The following NAT16 variants were observed in gnomAD, a reference collection of about 807,000 sequenced individuals.
The protein encoded by NAT16 is N-acetyltransferase 16 (putative).
NAT16 carries 16 observed loss-of-function variants against 15.9 expected under a neutral mutation model. That is an observed-to-expected ratio of 1.01 (90% CI 0.68 to 1.53). The LOEUF (loss-of-function observed/expected upper bound fraction) is 1.53. Ranked by LOEUF, NAT16 falls within the 40% of genes most tolerant of loss-of-function variation. NAT16 has a pLI of 0.00. For missense variants in NAT16, 572 were observed against 508.4 expected, an observed-to-expected ratio of 1.13 and a Z score of -1.20; for synonymous variants, 260 against 241.9, an observed-to-expected ratio of 1.07 and a Z score of -0.69.
rs202212832 is a variant in NAT16 at position 101,173,484 on chromosome 7, C to G, written c.349G>C (p.Glu117Gln). The change falls in exon 3 of 4, where the codon GAG becomes CAG. Residue 117 changes from glutamate (E) to glutamine (Q), a missense_variant. Physicochemically the swap from Glu to Gln is conservative, Grantham distance 29. Transcript: ENST00000300303. ...LESVNVIDAG[E>Q]TVLVEGLRVA... ...CGCAGCCCCTCCACCAGCACCGTCTCCCCGGCGTCGATCACGTTCACCGAC... is the reference window on the plus strand; with the variant it reads ...CGCAGCCCCTCCACCAGCACCGTCTGCCCGGCGTCGATCACGTTCACCGAC... The G allele has an allele frequency of 1.2e-6, 2 of 1,607,446 alleles. No homozygotes were observed. The highest frequency in any genetic ancestry group is 1.7e-6 in the Non-Finnish European group (2 of 1,176,222).
rs750425884 is a variant in NAT16, at chr7:101,173,285, G to A, written c.537+11C>T. 2.5e-6 allele frequency: 4 copies of A among 1,611,610 alleles called. No homozygotes were observed. The highest frequency in any genetic ancestry group is 1.3e-5 in the African/African-American group (1 of 74,864). ...AGAGGCCCAGCCATCCGAGCTCCCT[G>A]TCCTTCTCACCTGCTTGGTGATTAG... On this transcript the variant is annotated intron_variant, in intron 3 of 3. Coordinates refer to ENST00000300303, the MANE Select transcript of NAT16 (RefSeq NM_198571.3).
chr7:101,172,199 C>A lies in NAT16; in HGVS notation c.990G>T (p.Met330Ile). The change falls in exon 4 of 4, where the codon ATG becomes ATT. Residue 330 changes from methionine (M) to isoleucine (I), a missense_variant. By Grantham distance (10) the Met-to-Ile change is conservative. Transcript: ENST00000300303. The surrounding 1 kb of genome is among the most constrained non-coding windows in gnomAD (Gnocchi z 4.2). ...GCTGGGGCTCCAGGAAGAGCTGGCA[C>A]ATGACGTTGAGGCCAACGAGGCGCG... ...QAPRLVGLNVMCQLFLEPQLW... is the reference protein window; with the variant it reads ...QAPRLVGLNVICQLFLEPQLW... 1 of 1,613,948 alleles carries A rather than the reference C, an allele frequency of 6.2e-7. No homozygotes were observed. The highest frequency in any genetic ancestry group is 8.5e-7 in the Non-Finnish European group (1 of 1,179,966).
At chr7:101,173,108 C>T (rs1797373288) in intron 3 of NAT16, among the ~76,000 whole-genome samples, 188 bp downstream of exon 3, 1 of 152,056 alleles carries the variant, frequency 6.6e-6, no homozygotes, top group Non-Finnish European at 1.5e-5. Context: ...GGCTGGGAGT[C>T]GGGAGTTTGA....
At position 101,171,963 on chromosome 7, in the gene NAT16, G is replaced by A. The variant is rs1279350072; in HGVS notation, c.*116C>T. 2 of 702,754 alleles carry A rather than the reference G, an allele frequency of 2.8e-6. No homozygotes were observed. The highest frequency in any genetic ancestry group is 5.5e-5 in the East Asian group (2 of 36,552). 43.5% of individuals were successfully genotyped at this position (702,754 alleles called of 1,614,324 possible). ...CTGCGCCGGTAAGGGCAGGAGGGCA[G>A]GAGTCAGAGGGGACTTCCCAGGAGA... On this transcript the variant is annotated 3_prime_UTR_variant, in exon 4 of 4. Transcript: ENST00000300303.
chr7:101,179,581 C>T (rs1411235659), intron 1 of NAT16, among the ~76,000 whole-genome samples: 1 of 130,112 alleles, frequency 7.7e-6, no homozygotes. Flanking sequence ...GGAGAGAAGG[C>T]CTAGGGGGTG....
Position 101,172,718 on chromosome 7 carries a change from G to T in NAT16, c.538-67C>A. 1.6e-6 allele frequency: 2 copies of T among 1,276,840 alleles called. No homozygotes were observed. Among genetic ancestry groups the T allele is most frequent in the South Asian group, 1.6e-5 (1 of 62,424 alleles). 79.1% of individuals were successfully genotyped at this position (1,276,840 alleles called of 1,614,324 possible). A position where few individuals can be genotyped will look rare whatever the true frequency, so the allele number is the denominator to read the frequency against. ...AGGGCTGGCGAGCCCGGCGCCTCTC[G>T]GCAGGCATCTTCACTCCCACGTTCA... On this transcript the variant is annotated intron_variant, in intron 3 of 3. Coordinates refer to ENST00000300303, the MANE Select transcript of NAT16 (RefSeq NM_198571.3). This position sits in a 1 kb window ranked among gnomAD's most constrained non-coding sequence, Gnocchi z 4.2.
rs772557794 is a variant in NAT16 at position 101,173,342 on chromosome 7, T to C, written c.491A>G (p.Gln164Arg). The C allele has an allele frequency of 8.7e-6, 14 of 1,613,922 alleles. No homozygotes were observed. The Admixed American group carries it at 1.0e-4, about 12-fold the overall frequency. The change falls in exon 3 of 4, where the codon CAG (glutamine) becomes CGG (arginine). Residue 164 changes from glutamine to arginine, a missense_variant. By Grantham distance (43) the Gln-to-Arg change is conservative. Coordinates refer to ENST00000300303, the MANE Select transcript of NAT16 (RefSeq NM_198571.3). ...TTTCTTCAGCTCCCGGGGGCCCAGC[T>C]GGTCGTCCCGGGTGAGCCGTGCCAC... ...VKVARLTRDD[Q>R]LGPRELKKYR...
chr7:101,173,814 C>T (rs1797399982), intron 2 of NAT16: 1 of 437,948 alleles, frequency 2.3e-6, no homozygotes, highest in East Asian at 3.9e-5. Flanking sequence ...GCCTCAAACT[C>T]CTGGGCTCAA....
At position 101,172,632 on chromosome 7, in the gene NAT16, A is replaced by G; in HGVS notation, c.557T>C (p.Phe186Ser). 1 of 1,521,856 alleles carries G rather than the reference A, an allele frequency of 6.6e-7. No homozygotes were observed. The highest frequency in any genetic ancestry group is 8.7e-7 in the Non-Finnish European group (1 of 1,143,138). The allele number at this position is 1,521,856 out of a possible 1,614,324, so 94.3% of individuals were successfully genotyped here. A position where few individuals can be genotyped will look rare whatever the true frequency, so the allele number is the denominator to read the frequency against. ...ITKQGILLVR[F>S]NASALLAGLG... ...CCCGGCCAGCAGCGCGGACGCGTTG[A>G]ATCGGACCAAAAGGATGCCCTGCGG... The change falls in exon 4 of 4, where the codon TTC becomes TCC. Residue 186 changes from phenylalanine to serine, a missense_variant. Transcript: ENST00000300303. The surrounding 1 kb of genome is among the most constrained non-coding windows in gnomAD (Gnocchi z 4.2).
chr7:101,174,403 G>C, intron 2 of NAT16, 93 bp downstream of exon 2: 5 of 1,428,098 alleles, frequency 3.5e-6, no homozygotes, highest in Middle Eastern at 2.4e-4. Context: ...CCAGAGGAAG[G>C]CTGGGGAGAA....
chr7:101,177,810 A>G (rs924683161), intron 1 of NAT16, among the ~76,000 whole-genome samples: 1 of 152,254 alleles, frequency 6.6e-6, no homozygotes, highest in Admixed American at 6.5e-5. Flanking sequence ...TCTGGCCCAC[A>G]CTGTCAGCAA....
intron 1 of NAT16, among the ~76,000 whole-genome samples, chr7:101,179,499 G>A (rs1166318932): frequency 6.7e-6 from 1 of 148,802 alleles, no homozygotes; most frequent in African/African-American, 2.5e-5. Flanking sequence ...AAGGGGAAAA[G>A]AAAGTCAGAA....
rs370790195 is a variant in NAT16, at chr7:101,172,682, G to A, written c.538-31C>T. ...GGGGGCACGAGTGAGCGCGGGGAGG[G>A]GGGGCGCAGCAGGGCTGGCGAGCCC... is the stretch of plus-strand genomic sequence containing the variant. On this transcript the variant is annotated intron_variant, in intron 3 of 3. Transcript: ENST00000300303. This position sits in a 1 kb window ranked among gnomAD's most constrained non-coding sequence, Gnocchi z 4.2. The A allele has an allele frequency of 1.4e-6, 2 of 1,442,512 alleles. No individual in the cohort carries two copies. The highest frequency in any genetic ancestry group is 2.7e-5 in the Admixed American group (1 of 36,502). 89.4% of individuals were successfully genotyped at this position (1,442,512 alleles called of 1,614,324 possible).
intron 1 of NAT16, among the ~76,000 whole-genome samples, chr7:101,178,889 C>CAAAAAAAAAAAAAAAA (rs71126381): frequency 1.4e-4 from 9 of 62,088 alleles, no homozygotes; most frequent in Non-Finnish European, 2.2e-4. Context: ...GAAACGCTGT[C>CAAAAAAAAAAAAAAAA]AAAAAAAAAA....
Position 101,172,032 on chromosome 7 carries a change from G to A in NAT16, c.*47C>T, listed in dbSNP as rs1797332885. ...AGGAAAGAGGCTGGCTGGGGAAACTGCGGAAGGGGGCGGGTCTTTTTCCCC... is the reference window on the plus strand; with the variant it reads ...AGGAAAGAGGCTGGCTGGGGAAACTACGGAAGGGGGCGGGTCTTTTTCCCC... On this transcript the variant is annotated 3_prime_UTR_variant, in exon 4 of 4. Transcript: ENST00000300303. This position sits in a 1 kb window ranked among gnomAD's most constrained non-coding sequence, Gnocchi z 4.2. The A allele has an allele frequency of 4.4e-6, 6 of 1,364,566 alleles. No individual in the cohort carries two copies. The highest frequency in any genetic ancestry group is 2.9e-5 in the African/African-American group (2 of 68,712). The allele number at this position is 1,364,566 out of a possible 1,614,324, so 84.5% of individuals were successfully genotyped here. A position where few individuals can be genotyped will look rare whatever the true frequency, so the allele number is the denominator to read the frequency against.
In NAT16 at chr7:101,180,222, G is replaced by T. The variant is rs1297062104; in HGVS notation, c.-185C>A. The T allele has an allele frequency of 6.6e-6, 1 of 152,370 alleles. No homozygotes were observed. The highest frequency in any genetic ancestry group is 2.1e-4 in the South Asian group (1 of 4,834). 9.4% of individuals were successfully genotyped at this position (152,370 alleles called of 1,614,324 possible). A position where few individuals can be genotyped will look rare whatever the true frequency, so the allele number is the denominator to read the frequency against. Reference sequence around the variant, plus strand: ...GAGCCCGACTCTAACGTCGGTCAGCGCTGGGGCAGCGCCGCAGCTCCGTTG... The same window carrying T: ...GAGCCCGACTCTAACGTCGGTCAGCTCTGGGGCAGCGCCGCAGCTCCGTTG... On this transcript the variant is annotated 5_prime_UTR_variant, in exon 1 of 4. Coordinates refer to ENST00000300303, the MANE Select transcript of NAT16 (RefSeq NM_198571.3).
intron 1 of NAT16, among the ~76,000 whole-genome samples, chr7:101,176,671 C>T (rs1366798409): frequency 2.7e-5 from 4 of 150,932 alleles, no homozygotes; most frequent in African/African-American, 7.3e-5. Flanking sequence ...GTCGGAGCTC[C>T]ACCAAAATGA....
intron 1 of NAT16, among the ~76,000 whole-genome samples, chr7:101,177,539 T>TG (rs1797492983): frequency 6.6e-6 from 1 of 152,064 alleles, no homozygotes; most frequent in Non-Finnish European, 1.5e-5. Flanking sequence ...TTTGTAGAGA[T>TG]GGGGGTCCCA....
Position 101,172,584 on chromosome 7 carries a change from A to T in NAT16, c.605T>A (p.Leu202Gln). The T allele has an allele frequency of 1.3e-6, 2 of 1,529,622 alleles. No individual in the cohort carries two copies. The highest frequency in any genetic ancestry group is 1.2e-5 in the South Asian group (1 of 83,984). The allele number at this position is 1,529,622 out of a possible 1,614,324, so 94.8% of individuals were successfully genotyped here. Residue 202 changes from leucine to glutamine, a missense_variant, in exon 4 of 4, where the codon CTG (leucine) becomes CAG (glutamine). Transcript: ENST00000300303. This position sits in a 1 kb window ranked among gnomAD's most constrained non-coding sequence, Gnocchi z 4.2. ...CGGCGAGAAGGTGCCAGAGGTCCGC[A>T]GCGCCGCCAGCCGCGCGCCCAGCCC... ...LAGLGARLAALRTSGTFSPLP... is the reference protein window; with the variant it reads ...LAGLGARLAAQRTSGTFSPLP...
Sources: gnomAD v4.1 joint callset for allele counts (sites outside exome capture counted in the v4.1 genomes callset) on GRCh38, gnomAD v4.1.1 for gene constraint, Gnocchi (gnomAD v3.1) non-coding constraint, MANE v1.5 for transcripts, NCBI Gene and HGNC (gene_info 2026-07-23, HGNC 2026-07-21) for gene names.